Variants in GEMIN5 observed in about 807,000 individuals in gnomAD.
The protein encoded by GEMIN5 is gem nuclear organelle associated protein 5, also known as gem-associated protein 5.
GEMIN5 carries 124 observed loss-of-function variants against 176.9 expected under a neutral mutation model. The ratio of observed to expected loss-of-function variants is 0.70; its 90% CI spans 0.61 to 0.81. The LOEUF (loss-of-function observed/expected upper bound fraction) is 0.81, where lower values mean the gene tolerates loss of function less well. Among genes scored for constraint, GEMIN5 ranks in the 40% least tolerant of loss-of-function variants. The pLI is 0.00. For missense variants in GEMIN5, 1,843 were observed against 1,814.6 expected (o/e 1.02, Z -0.28); for synonymous variants, 673 against 665.2 (o/e 1.01, Z -0.18).
intron 7 of GEMIN5, 109 bp downstream of exon 7, chr5:154,927,276 G>A: frequency 1.6e-6 from 1 of 625,246 alleles, no homozygotes; most frequent in Middle Eastern, 4.5e-4. Flanking sequence ...TGAAATTGGA[G>A]TCAGGGGTGG....
Position 154,932,168 on chromosome 5 carries a change from T to C in GEMIN5, c.592A>G (p.Ile198Val), listed in dbSNP as rs777075224. 6.2e-7 allele frequency: 1 copy of C among 1,612,162 alleles called. No homozygotes were observed. The highest frequency in any genetic ancestry group is 1.1e-5 in the South Asian group (1 of 91,042). The change falls in exon 4 of 28, where the codon ATC becomes GTC. Residue 198 changes from isoleucine to valine, a missense_variant. By Grantham distance (29) the Ile-to-Val change is conservative (BLOSUM62 3). Coordinates refer to ENST00000285873, the MANE Select transcript of GEMIN5 (RefSeq NM_015465.5). ...IHRLRGHDDE[I>V]HSIAWCPLPG... ...AGGGGACACCAGGCTATGGAGTGGA[T>C]TTCATCATCATGGCCTCGAAGCCTA...
intron 14 of GEMIN5, among the ~76,000 whole-genome samples, chr5:154,912,418 A>G (rs1763720332): frequency 6.6e-6 from 1 of 152,220 alleles, no homozygotes; most frequent in South Asian, 2.1e-4. Flanking sequence ...AGCGAGATAC[A>G]TCACAGATGT....
At chr5:154,928,277 G>A (rs1227428260) in intron 6 of GEMIN5, among the ~76,000 whole-genome samples, 1 of 152,220 alleles carries the variant, frequency 6.6e-6, no homozygotes, top group Non-Finnish European at 1.5e-5. Flanking sequence ...ATACAAGGCA[G>A]TAAGTGACAA....
intron 18 of GEMIN5, 98 bp downstream of exon 18, chr5:154,904,409 A>G: frequency 9.5e-7 from 1 of 1,056,694 alleles, no homozygotes; most frequent in Non-Finnish European, 1.4e-6. Context: ...AAAACAATTT[A>G]GACATTTCTT....
At chr5:154,931,685 T>C in intron 4 of GEMIN5, 108 bp from the exon 5 acceptor site, 1 of 837,224 alleles carries the variant, frequency 1.2e-6, no homozygotes, top group Non-Finnish European at 1.9e-6. Context: ...TTCATAGGTC[T>C]GAACTATAAA....
intron 24 of GEMIN5, among the ~76,000 whole-genome samples, chr5:154,893,904 C>T (rs1040633278): frequency 1.5e-4 from 23 of 152,078 alleles, no homozygotes; most frequent in Non-Finnish European, 2.6e-4. Flanking sequence ...CCACCACGCG[C>T]GGCTAACACC....
intron 13 of GEMIN5, among the ~76,000 whole-genome samples, chr5:154,916,330 A>C (rs2113489377): frequency 6.6e-6 from 1 of 152,326 alleles, no homozygotes; most frequent in South Asian, 2.1e-4. Flanking sequence ...TAGGAACAGA[A>C]GATTATTCTT....
chr5:154,904,908 G>T (rs13177245), intron 17 of GEMIN5, among the ~76,000 whole-genome samples: 62 of 152,200 alleles, frequency 4.1e-4, no homozygotes, highest in Non-Finnish European at 7.9e-4. Flanking sequence ...AATGGAAGTG[G>T]AAGTCTGGGC....
rs928421854 is a variant in GEMIN5 at position 154,898,648 on chromosome 5, T to C, written c.3137A>G (p.Tyr1046Cys). Reference protein sequence around the residue: ...DGHYAVAAKCYLGATCAYDAA... With the variant: ...DGHYAVAAKCCLGATCAYDAA... ...ATCATAAGCACAAGTGGCCCCTAAA[T>C]AGCTATAATATGAATAAAAATGTGA... Residue 1046 changes from tyrosine (Y) to cysteine (C), a missense_variant and splice_region_variant, in exon 23 of 28, where the codon TAT becomes TGT. By Grantham distance (194) the Tyr-to-Cys change is radical (BLOSUM62 -2). Coordinates refer to ENST00000285873, the MANE Select transcript of GEMIN5 (RefSeq NM_015465.5). 1.9e-6 allele frequency: 3 copies of C among 1,603,176 alleles called. No homozygotes were observed. In the Admixed American group the frequency reaches 5.0e-5, roughly 27 times the overall value.
chr5:154,926,482 G>A (rs1417182305), intron 7 of GEMIN5, among the ~76,000 whole-genome samples: 1 of 152,182 alleles, frequency 6.6e-6, no homozygotes, highest in Non-Finnish European at 1.5e-5. Flanking sequence ...CATACCCAGG[G>A]AAGGAGGAGT....
chr5:154,931,233 A>G (rs1764154835), intron 5 of GEMIN5, among the ~76,000 whole-genome samples: 2 of 152,236 alleles, frequency 1.3e-5, no homozygotes, highest in South Asian at 4.1e-4. Flanking sequence ...AAAGCAAGAG[A>G]TCCTTGTCTT....
intron 15 of GEMIN5, among the ~76,000 whole-genome samples, chr5:154,911,278 T>C (rs188669035): frequency 1.4e-4 from 21 of 151,872 alleles, no homozygotes; most frequent in Non-Finnish European, 2.6e-4. Flanking sequence ...CTTTGGGAGG[T>C]TGATAGGCAG....
intron 11 of GEMIN5, among the ~76,000 whole-genome samples, chr5:154,919,433 AATT>A (rs1213296257): frequency 6.6e-6 from 1 of 152,230 alleles, no homozygotes; most frequent in East Asian, 1.9e-4. Flanking sequence ...ACACAAATGT[AATT>A]AAATGTGGGA....
Position 154,888,130 on chromosome 5 carries a change from A to G in GEMIN5, c.*80T>C. The G allele has an allele frequency of 7.9e-7, 1 of 1,266,736 alleles. No individual in the cohort carries two copies. The highest frequency in any genetic ancestry group is 1.1e-6 in the Non-Finnish European group (1 of 870,046). 78.5% of individuals were successfully genotyped at this position (1,266,736 alleles called of 1,614,324 possible). On this transcript the variant is annotated 3_prime_UTR_variant, in exon 28 of 28. Coordinates refer to ENST00000285873, the MANE Select transcript of GEMIN5 (RefSeq NM_015465.5). ...CAAAAACATCTAGGGACCAGAGTGA[A>G]TGTCTGGTGAGGCATAACTGCAGAG...
In GEMIN5 at chr5:154,898,463, G is replaced by A; in HGVS notation, c.3322C>T (p.Leu1108=). Residue 1108 remains leucine (L), a synonymous_variant, in exon 23 of 28, where the codon CTG becomes TTG. Transcript: ENST00000285873. ...ANNWVGAQEA[L]QLHESLQGQR... The stretch of plus-strand genomic sequence containing the variant: ...ACCTGTAGACTTTCATGCAGCTGCA[G>A]GGCTTCCTGGGCTCCCACCCAGTTG... The A allele has an allele frequency of 1.9e-6, 3 of 1,614,024 alleles. No homozygotes were observed. The highest frequency in any genetic ancestry group is 2.5e-6 in the Non-Finnish European group (3 of 1,179,906).
rs570401710 is a variant in GEMIN5 at position 154,908,147 on chromosome 5, G to GTTCTGCCAA, written c.2168-338_2168-330dup. On this transcript the variant is annotated intron_variant, in intron 15 of 27. Coordinates refer to ENST00000285873, the MANE Select transcript of GEMIN5 (RefSeq NM_015465.5). Reference sequence around the variant, plus strand: ...CACCTACTCCATACTCTCTATTTAAGTTCTGCCAATTTTACCCAGATGTCC... The same window carrying GTTCTGCCAA: ...CACCTACTCCATACTCTCTATTTAAGTTCTGCCAATTCTGCCAATTTTACCCAGATGTCC... 4.9e-4 allele frequency among the ~76,000 whole-genome samples: 56 copies of GTTCTGCCAA among 115,140 alleles called. No individual in the cohort carries two copies. In the South Asian group the frequency reaches 0.013, roughly 28 times the overall value. The allele number at this position is 115,140 out of a possible 152,430, so 75.5% of individuals were successfully genotyped here. A position where few individuals can be genotyped will look rare whatever the true frequency, so the allele number is the denominator to read the frequency against.
chr5:154,910,642 T>C (rs1273150168), intron 15 of GEMIN5, among the ~76,000 whole-genome samples: 1 of 152,232 alleles, frequency 6.6e-6, no homozygotes, highest in East Asian at 1.9e-4. Flanking sequence ...TAGTTGCTTA[T>C]GGCAAGTCTG....
intron 26 of GEMIN5, 129 bp downstream of exon 26, chr5:154,891,112 T>C: frequency 2.4e-6 from 1 of 413,724 alleles, no homozygotes; most frequent in Non-Finnish European, 3.8e-6. Context: ...CCCGGGCTGG[T>C]GGTGAACTCC....
At chr5:154,895,767 T>TA (rs1332427306) in intron 24 of GEMIN5, among the ~76,000 whole-genome samples, 2 of 152,108 alleles carry the variant, frequency 1.3e-5, no homozygotes, top group Non-Finnish European at 1.5e-5. Flanking sequence ...CGCACGCCTG[T>TA]AATCACAGCT....
Sources: allele counts gnomAD v4.1 joint callset (sites outside exome capture counted in the v4.1 genomes callset), GRCh38; gene constraint gnomAD v4.1.1; transcripts MANE v1.5; gene names NCBI Gene and HGNC (gene_info 2026-07-23, HGNC 2026-07-21).